The following PLS1 variants were observed in gnomAD, a reference collection of about 807,000 sequenced individuals.
PLS1 encodes plastin-1.
A neutral mutation model predicts 73.7 loss-of-function variants in PLS1; 32 were observed. The ratio of observed to expected loss-of-function variants is 0.43; its 90% CI spans 0.33 to 0.58. The LOEUF (loss-of-function observed/expected upper bound fraction) is 0.58. PLS1 is among the 20% of genes least tolerant of loss of function. The pLI is 0.04. For missense variants in PLS1, 633 were observed against 740.5 expected, an observed-to-expected ratio of 0.85 and a Z score of 1.68; for synonymous variants, 217 against 261.3, an observed-to-expected ratio of 0.83 and a Z score of 1.63.
Position 142,669,499 on chromosome 3 carries a change from A to G in PLS1, c.180A>G (p.Leu60=), listed in dbSNP as rs770493854. 21 of 1,613,618 alleles carry G rather than the reference A, an allele frequency of 1.3e-5. No homozygotes were observed. Among genetic ancestry groups the G allele is most frequent in the African/African-American group, 5.3e-5 (4 of 74,918 alleles). The change falls in exon 3 of 16, where the codon CTA becomes CTG. Residue 60 remains leucine (L), a synonymous_variant. Transcript: ENST00000457734. ...TGCGCGAGATTGTGGAGAAAATTCT[A>G]TCAGTTGCTGACAGCAACAAAGATG... ...YKVREIVEKI[L]SVADSNKDGK... is the part of the protein sequence containing the mutation.
chr3:142,616,712 C>G (rs529257385), intron 1 of PLS1, among the ~76,000 whole-genome samples: 1 of 152,156 alleles, frequency 6.6e-6, no homozygotes, highest in Non-Finnish European at 1.5e-5. Flanking sequence ...TAGCGATTCT[C>G]CTGTCTCAGC....
intron 1 of PLS1, among the ~76,000 whole-genome samples, chr3:142,627,623 A>AGCTGTTTATT (rs1159709520): frequency 2.0e-5 from 3 of 152,022 alleles, no homozygotes; most frequent in Non-Finnish European, 4.4e-5. Context: ...TATGAGGCAC[A>AGCTGTTTATT]GCTGTTTATT....
At position 142,713,498 on chromosome 3, in the gene PLS1, A is replaced by G; in HGVS notation, c.*1491A>G. The G allele has an allele frequency of 6.6e-6, 1 of 152,406 alleles. No individual in the cohort carries two copies. The highest frequency in any genetic ancestry group is 1.9e-4 in the East Asian group (1 of 5,194). 9.4% of individuals were successfully genotyped at this position (152,406 alleles called of 1,614,324 possible). A position where few individuals can be genotyped will look rare whatever the true frequency, so the allele number is the denominator to read the frequency against. ...ATATTTTGATGATTGTTTTCTTAAG[A>G]TTAAGATATGTTCTTGCTCTTTTAT... On this transcript the variant is annotated 3_prime_UTR_variant, in exon 16 of 16. Coordinates refer to ENST00000457734, the MANE Select transcript of PLS1 (RefSeq NM_001145319.2).
intron 1 of PLS1, among the ~76,000 whole-genome samples, chr3:142,634,929 T>G (rs2036644256): frequency 6.6e-6 from 1 of 151,984 alleles, no homozygotes; most frequent in Non-Finnish European, 1.5e-5. Flanking sequence ...TTTTTTTTTT[T>G]TGTCTTTTAG....
At chr3:142,653,878 A>T (rs2037158692) in intron 1 of PLS1, among the ~76,000 whole-genome samples, 1 of 152,254 alleles carries the variant, frequency 6.6e-6, no homozygotes, top group South Asian at 2.1e-4. Flanking sequence ...AGGCATTAAC[A>T]GTTGAACCTG....
At chr3:142,691,267 A>G (rs1402875943) in intron 10 of PLS1, among the ~76,000 whole-genome samples, 1 of 152,018 alleles carries the variant, frequency 6.6e-6, no homozygotes, top group Non-Finnish European at 1.5e-5. Context: ...TAAAGATTAT[A>G]TTTTCTATGT....
chr3:142,645,003 A>C (rs1205509031), intron 1 of PLS1, among the ~76,000 whole-genome samples: 2 of 152,154 alleles, frequency 1.3e-5, no homozygotes, highest in Non-Finnish European at 2.9e-5. Context: ...ACTCTAACCT[A>C]TTTGGTGGAA....
chr3:142,650,405 T>G (rs1190886744), intron 1 of PLS1, among the ~76,000 whole-genome samples: 1 of 151,902 alleles, frequency 6.6e-6, no homozygotes, highest in Non-Finnish European at 1.5e-5. Flanking sequence ...GGTTTTGGCT[T>G]CTTCTTAGCC....
At chr3:142,709,649 T>C (rs1933018919) in intron 14 of PLS1, among the ~76,000 whole-genome samples, 1 of 152,044 alleles carries the variant, frequency 6.6e-6, no homozygotes, top group Non-Finnish European at 1.5e-5. Flanking sequence ...ACCCCATCTC[T>C]ACTAAAAATA....
rs540031357 is a variant in PLS1, at chr3:142,620,974, G to T, written c.-37+24465G>T. On this transcript the variant is annotated intron_variant, in intron 1 of 15. Coordinates refer to ENST00000457734, the MANE Select transcript of PLS1 (RefSeq NM_001145319.2). The stretch of plus-strand genomic sequence containing the variant: ...GCAGATGTTGCAGTGAGCTGAGATT[G>T]CACCCCTGCACTCCAGCCTGGGTGA... Among the ~76,000 whole-genome samples the T allele has an allele frequency of 3.9e-5, 6 of 152,140 alleles. 1 individual carries two copies. In the South Asian group the frequency reaches 1.2e-3, roughly 32 times the overall value.
intron 1 of PLS1, among the ~76,000 whole-genome samples, chr3:142,630,938 A>AACAC (rs140962182): frequency 0.015 from 2,042 of 137,418 alleles, 56 homozygotes; most frequent in African/African-American, 0.046. Context: ...CATGTAAATA[A>AACAC]ACACACACAC....
At chr3:142,640,818 T>A (rs1248357341) in intron 1 of PLS1, among the ~76,000 whole-genome samples, 1 of 152,128 alleles carries the variant, frequency 6.6e-6, no homozygotes, top group East Asian at 1.9e-4. Flanking sequence ...GTTTATGCCC[T>A]TCATTTCTCA....
intron 12 of PLS1, among the ~76,000 whole-genome samples, chr3:142,701,958 A>G (rs185062923): frequency 2.0e-5 from 3 of 152,378 alleles, no homozygotes; most frequent in Non-Finnish European, 4.4e-5. Flanking sequence ...TAAAGTCTAC[A>G]TTCTTACAGC....
At chr3:142,657,624 G>C (rs1157650910) in intron 1 of PLS1, among the ~76,000 whole-genome samples, 1 of 152,040 alleles carries the variant, frequency 6.6e-6, no homozygotes, top group Non-Finnish European at 1.5e-5. Context: ...CAAGTAGCTG[G>C]GACTATAGGC....
At chr3:142,668,800 C>A (rs1246782495) in intron 2 of PLS1, among the ~76,000 whole-genome samples, 1 of 152,014 alleles carries the variant, frequency 6.6e-6, no homozygotes, top group Non-Finnish European at 1.5e-5. Context: ...TGGGGTTTCA[C>A]CATGTTGACC....
chr3:142,601,971 T>C (rs2035935126), intron 1 of PLS1, among the ~76,000 whole-genome samples: 1 of 152,082 alleles, frequency 6.6e-6, no homozygotes, highest in Non-Finnish European at 1.5e-5. Flanking sequence ...ATCAAATATC[T>C]TAACAAAAAT....
At chr3:142,650,833 A>G (rs1287847489) in intron 1 of PLS1, among the ~76,000 whole-genome samples, 3 of 152,212 alleles carry the variant, frequency 2.0e-5, no homozygotes, top group Non-Finnish European at 4.4e-5. Flanking sequence ...GAGCCAGAGA[A>G]GGCCTAAAGT....
intron 13 of PLS1, 47 bp downstream of exon 13, chr3:142,704,048 A>G: frequency 6.4e-7 from 1 of 1,569,418 alleles, no homozygotes; most frequent in East Asian, 2.3e-5. Context: ...TCCTCCAACA[A>G]GTAATCTGAA....
chr3:142,631,333 G>C (rs1330264714), intron 1 of PLS1, among the ~76,000 whole-genome samples: 1 of 152,002 alleles, frequency 6.6e-6, no homozygotes, highest in Non-Finnish European at 1.5e-5. Context: ...GGCCAACATG[G>C]TGAAACCCCG....
Sources: gnomAD v4.1 joint callset for allele counts (sites outside exome capture counted in the v4.1 genomes callset) on GRCh38, gnomAD v4.1.1 for gene constraint, MANE v1.5 for transcripts, NCBI Gene and HGNC (gene_info 2026-07-23, HGNC 2026-07-21) for gene names.